The following KAZN variants were observed in gnomAD, a reference collection of about 807,000 sequenced individuals.
KAZN encodes kazrin.
A neutral mutation model predicts 87.4 loss-of-function variants in KAZN; 40 were observed. The ratio of observed to expected loss-of-function variants is 0.46; its 90% CI spans 0.36 to 0.60. KAZN has a LOEUF of 0.60. KAZN is among the 20% of genes least tolerant of loss of function. The probability of loss-of-function intolerance (pLI) is 0.00; values close to 1 mark genes in which losing one functional copy is unlikely to be tolerated. For missense variants in KAZN, 898 were observed against 1,073.9 expected (o/e 0.84, Z 2.29); for synonymous variants, 466 against 458.3 (o/e 1.02, Z -0.22).
At chr1:14,589,622 C>T (rs1223030214) in intron 2 of KAZN, among the ~76,000 whole-genome samples, 20 of 152,282 alleles carry the variant, frequency 1.3e-4, no homozygotes, top group Admixed American at 1.3e-4. Flanking sequence ...ACAAGATCTA[C>T]GGCCGCTTCC....
intron 2 of KAZN, among the ~76,000 whole-genome samples, chr1:14,232,037 G>T (rs557561605): frequency 6.6e-6 from 1 of 152,192 alleles, no homozygotes; most frequent in East Asian, 1.9e-4. Flanking sequence ...TCATTCCATG[G>T]GTGGAACTCA....
intron 1 of KAZN, among the ~76,000 whole-genome samples, chr1:13,908,309 G>A (rs997353685): frequency 6.6e-6 from 1 of 152,244 alleles, no homozygotes; most frequent in African/African-American, 2.4e-5. Flanking sequence ...CCAGCCACTT[G>A]CCTTTGAGGG....
At chr1:14,297,227 T>C (rs1654193643) in intron 2 of KAZN, among the ~76,000 whole-genome samples, 1 of 152,220 alleles carries the variant, frequency 6.6e-6, no homozygotes, top group Non-Finnish European at 1.5e-5. Flanking sequence ...TCTCTGAATC[T>C]TCTCCCAAAT....
chr1:14,541,517 C>G (rs1324889681), intron 2 of KAZN, among the ~76,000 whole-genome samples: 1 of 152,150 alleles, frequency 6.6e-6, no homozygotes, highest in Non-Finnish European at 1.5e-5. Flanking sequence ...GGACATTAAC[C>G]CAGAATTCAC....
intron 1 of KAZN, among the ~76,000 whole-genome samples, chr1:14,164,050 T>C (rs544717050): frequency 2.4e-4 from 36 of 152,312 alleles, no homozygotes; most frequent in South Asian, 4.1e-4. Context: ...GCCACCCAAA[T>C]TTTTAGTGTT....
intron 8 of KAZN, among the ~76,000 whole-genome samples, chr1:15,084,371 C>T (rs6429708): frequency 0.086 from 13,016 of 152,206 alleles, 1,464 homozygotes; most frequent in African/African-American, 0.26. Context: ...CTCAGGGCAG[C>T]GTGGGGGAAG....
At chr1:15,093,719 T>C (rs577808509) in intron 8 of KAZN, among the ~76,000 whole-genome samples, 155 of 152,254 alleles carry the variant, frequency 1.0e-3, no homozygotes, top group African/African-American at 3.6e-3. Flanking sequence ...TACATTGCCA[T>C]GGTGAATTTT....
intron 2 of KAZN, among the ~76,000 whole-genome samples, chr1:14,452,053 C>T (rs1667308015): frequency 1.3e-5 from 2 of 152,206 alleles, no homozygotes; most frequent in Non-Finnish European, 2.9e-5. Context: ...GATTCTCCTG[C>T]CTCAGCCTCC....
intron 2 of KAZN, among the ~76,000 whole-genome samples, chr1:14,515,877 G>T (rs1671272315): frequency 6.6e-6 from 1 of 151,864 alleles, no homozygotes; most frequent in Non-Finnish European, 1.5e-5. Context: ...TGCTTATTTT[G>T]CATTTCTCCC....
At chr1:14,969,133 G>A (rs546514791) in intron 2 of KAZN, among the ~76,000 whole-genome samples, 1 of 152,252 alleles carries the variant, frequency 6.6e-6, no homozygotes, top group Non-Finnish European at 1.5e-5. Flanking sequence ...AGACAGTGGG[G>A]TAGTAGGTGG....
intron 1 of KAZN, among the ~76,000 whole-genome samples, chr1:14,840,721 C>T (rs998640851): frequency 1.3e-5 from 2 of 152,212 alleles, no homozygotes; most frequent in African/African-American, 2.4e-5. Context: ...CCACGATGCA[C>T]CTCAATAGTC....
intron 1 of KAZN, among the ~76,000 whole-genome samples, chr1:14,800,249 A>G (rs939132956): frequency 6.6e-6 from 1 of 152,370 alleles, no homozygotes; most frequent in Non-Finnish European, 1.5e-5. Flanking sequence ...ATCCACGAGA[A>G]CTGAAAACGT....
intron 2 of KAZN, among the ~76,000 whole-genome samples, chr1:14,378,037 A>AT (rs531123937): frequency 5.9e-5 from 9 of 152,116 alleles, no homozygotes; most frequent in African/African-American, 2.2e-4. Context: ...TTTTAAATGT[A>AT]TTTTTTTTCA....
intron 2 of KAZN, among the ~76,000 whole-genome samples, chr1:14,574,927 G>C (rs1204663631): frequency 6.6e-6 from 1 of 152,100 alleles, no homozygotes; most frequent in African/African-American, 2.4e-5. Flanking sequence ...TGCTCTCCAG[G>C]GCATTGAGGA....
At chr1:14,738,781 C>T (rs891098070) in intron 1 of KAZN, among the ~76,000 whole-genome samples, 6 of 151,976 alleles carry the variant, frequency 3.9e-5, no homozygotes, top group Non-Finnish European at 7.4e-5. Flanking sequence ...GTGAGGATGA[C>T]GATTCACATT....
intron 1 of KAZN, among the ~76,000 whole-genome samples, chr1:14,091,072 A>G (rs1374452352): frequency 1.4e-5 from 2 of 144,514 alleles, no homozygotes; most frequent in East Asian, 4.2e-4. Context: ...AGATCATGTC[A>G]CTGCACTCCA....
chr1:14,909,804 G>A (rs181949977), intron 1 of KAZN, among the ~76,000 whole-genome samples: 1 of 152,250 alleles, frequency 6.6e-6, no homozygotes, highest in East Asian at 1.9e-4. Flanking sequence ...CATCACTTTG[G>A]GAAGCTGAGG....
chr1:14,083,903 C>G (rs527352862), intron 1 of KAZN, among the ~76,000 whole-genome samples: 14 of 152,324 alleles, frequency 9.2e-5, no homozygotes, highest in African/African-American at 2.9e-4. Context: ...TTATGAATCA[C>G]TTACTGTGTG....
rs189497440 is a variant in KAZN at position 14,637,086 on chromosome 1, T to C, written c.226+37863T>C. ...GAGCCCAGGGCCCCTTTTCTGACTT[T>C]CTCATTCCTGTGGTTGGCCGTTGCA... On this transcript the variant is annotated intron_variant, in intron 1 of 14. Transcript: ENST00000376030. Among the ~76,000 whole-genome samples the C allele has an allele frequency of 3.9e-5, 6 of 152,248 alleles. No individual in the cohort carries two copies. The East Asian group carries it at 9.7e-4, about 25-fold the overall frequency.
Sources: allele counts gnomAD v4.1 joint callset (sites outside exome capture counted in the v4.1 genomes callset), GRCh38; gene constraint gnomAD v4.1.1; transcripts MANE v1.5; gene names NCBI Gene and HGNC (gene_info 2026-07-23, HGNC 2026-07-21).